The following ZKSCAN2 variants were observed in gnomAD, a reference collection of about 807,000 sequenced individuals.
ZKSCAN2 encodes the protein zinc finger with KRAB and SCAN domains 2.
In ZKSCAN2, 38 loss-of-function variants were observed where a neutral mutation model predicts 90.5. That is an observed-to-expected ratio of 0.42 (90% CI 0.32 to 0.55). The LOEUF is 0.55. ZKSCAN2 is among the 20% of genes least tolerant of loss of function. ZKSCAN2 has a pLI of 0.11. For missense variants in ZKSCAN2, 1,167 were observed against 1,202.6 expected (o/e 0.97, Z 0.44); for synonymous variants, 429 against 421.6 (o/e 1.02, Z -0.22).
rs780230737 is a variant in ZKSCAN2 at position 25,240,021 on chromosome 16, G to C, written c.2699C>G (p.Thr900Arg). 32 of 1,613,856 alleles carry C rather than the reference G, an allele frequency of 2.0e-5. No homozygotes were observed. The highest frequency in any genetic ancestry group is 2.6e-5 in the Non-Finnish European group (31 of 1,179,980). Residue 900 changes from threonine (T) to arginine (R), a missense_variant, in exon 7 of 7, where the codon ACG (threonine) becomes AGG (arginine). By Grantham distance (71) the Thr-to-Arg change is moderately conservative. Transcript: ENST00000328086. Reference sequence around the variant, plus strand: ...TATTCTCCGATGTTCTCGAAATCTCGTACAGTTATTGAAACTTTTTTCACA... The same window carrying C: ...TATTCTCCGATGTTCTCGAAATCTCCTACAGTTATTGAAACTTTTTTCACA... ...VDCEKSFNNCTRFREHRRIHT... is the reference protein window; with the variant it reads ...VDCEKSFNNCRRFREHRRIHT...
At position 25,257,110 on chromosome 16, in the gene ZKSCAN2, G is replaced by C; in HGVS notation, c.18C>G (p.Asp6Glu). The C allele has an allele frequency of 6.2e-7, 1 of 1,604,222 alleles. No homozygotes were observed. Among genetic ancestry groups the C allele is most frequent in the African/African-American group, 1.3e-5 (1 of 74,802 alleles). Reference sequence around the variant, plus strand: ...CCTCCAGGGGCGCGTCGATCTGAGAGTCGAGGGCGACAGCCATGCTGCAGC... The same window carrying C: ...CCTCCAGGGGCGCGTCGATCTGAGACTCGAGGGCGACAGCCATGCTGCAGC... Reference protein sequence around the residue: MAVALDSQIDAPLEVE... With the variant: MAVALESQIDAPLEVE... The change falls in exon 1 of 7, where the codon GAC becomes GAG. Residue 6 changes from aspartate to glutamate, a missense_variant. By Grantham distance (45) the Asp-to-Glu change is conservative (BLOSUM62 2). Transcript: ENST00000328086.
chr16:25,243,406 C>T (rs72771348), intron 6 of ZKSCAN2, among the ~76,000 whole-genome samples: 18,785 of 152,270 alleles, frequency 0.12, 1,504 homozygotes, highest in East Asian at 0.31. Context: ...CGGCTCACTG[C>T]AACCTGCGCC....
intron 1 of ZKSCAN2, 81 bp from the exon 2 acceptor site, chr16:25,255,473 G>A: frequency 7.1e-7 from 1 of 1,416,610 alleles, no homozygotes; most frequent in South Asian, 1.3e-5. Flanking sequence ...AGACATCAAA[G>A]AAGGACAGAG....
Position 25,243,927 on chromosome 16 carries a change from G to C in ZKSCAN2, c.1839C>G (p.Pro613=). The change falls in exon 6 of 7, where the codon CCC becomes CCG. Residue 613 remains proline (P), a synonymous_variant. Transcript: ENST00000328086. ...CAGGTTCCCAGCCTGTAGGTTCCTG[G>C]GGTTCAACCTCAATACCCCCTCTTT... ...RQERGGIEVE[P]QEPTGWEPEE... The C allele has an allele frequency of 6.2e-7, 1 of 1,614,066 alleles. No homozygotes were observed. The highest frequency in any genetic ancestry group is 8.5e-7 in the Non-Finnish European group (1 of 1,180,020).
In ZKSCAN2 at chr16:25,239,919, C is replaced by G. The variant is rs141758597; in HGVS notation, c.2801G>C (p.Arg934Pro). Residue 934 changes from arginine to proline, a missense_variant, in exon 7 of 7, where the codon CGG (arginine) becomes CCG (proline). Arg to Pro is a moderately radical substitution (Grantham distance 103). Coordinates refer to ENST00000328086, the MANE Select transcript of ZKSCAN2 (RefSeq NM_001012981.5). ...AGGCTTTTCTCTCACATGAACTTCC[C>G]GATGTTTGGTAAGAACAGAACTCTT... ...FSKSSVLTKH[R>P]EVHVREKPLP... The G allele has an allele frequency of 1.2e-6, 2 of 1,614,134 alleles. No individual in the cohort carries two copies. Among genetic ancestry groups the G allele is most frequent in the East Asian group, 4.5e-5 (2 of 44,882 alleles).
intron 4 of ZKSCAN2, among the ~76,000 whole-genome samples, chr16:25,251,646 C>G (rs553824622): frequency 6.6e-6 from 1 of 152,306 alleles, no homozygotes; most frequent in South Asian, 2.1e-4. Context: ...ATACCATTTA[C>G]TGTACTACAC....
intron 4 of ZKSCAN2, among the ~76,000 whole-genome samples, chr16:25,248,851 C>T (rs1315959397): frequency 1.3e-5 from 2 of 152,176 alleles, no homozygotes; most frequent in Non-Finnish European, 2.9e-5. Context: ...ACCATGTTCA[C>T]TGCAGCATTA....
At chr16:25,242,108 T>C (rs1962864017) in intron 6 of ZKSCAN2, among the ~76,000 whole-genome samples, 2 of 152,156 alleles carry the variant, frequency 1.3e-5, no homozygotes, top group Non-Finnish European at 2.9e-5. Flanking sequence ...CAAGCGATCC[T>C]CCCACCTTGG....
In ZKSCAN2 at chr16:25,245,764, C is replaced by T. The variant is rs1402260485; in HGVS notation, c.1489+943G>A. On this transcript the variant is annotated intron_variant, in intron 5 of 6. Transcript: ENST00000328086. ...CAGCCTGGGTGACAGAGTGAGACAC[C>T]GTCTCGGAAAAAAAAAAAAAAAAGA... Among the ~76,000 whole-genome samples, 6 of 146,272 alleles carry T rather than the reference C, an allele frequency of 4.1e-5. No homozygotes were observed. In the South Asian group the frequency reaches 6.6e-4, roughly 16 times the overall value.
At chr16:25,253,616 TG>T (rs1214739871) in intron 2 of ZKSCAN2, among the ~76,000 whole-genome samples, 1 of 152,236 alleles carries the variant, frequency 6.6e-6, no homozygotes, top group Non-Finnish European at 1.5e-5. Flanking sequence ...TGTGCCATTC[TG>T]GGGGAAAGGA....
chr16:25,257,538 G>A lies in ZKSCAN2; in HGVS notation c.-411C>T. 2 of 987,388 alleles carry A rather than the reference G, an allele frequency of 2.0e-6. No homozygotes were observed. Among genetic ancestry groups the A allele is most frequent in the Non-Finnish European group, 2.4e-6 (2 of 831,156 alleles). 61.2% of individuals were successfully genotyped at this position (987,388 alleles called of 1,614,324 possible). On this transcript the variant is annotated 5_prime_UTR_variant, in exon 1 of 7. Transcript: ENST00000328086. ...GTCGGGCGCGGAGAGGCGAGTCCCC[G>A]AGTGGGTGGGGCCGGATGTGCAGGC...
At chr16:25,243,647 T>C in intron 6 of ZKSCAN2, 138 bp downstream of exon 6, 3 of 1,110,610 alleles carry the variant, frequency 2.7e-6, no homozygotes, top group Middle Eastern at 2.2e-4. Flanking sequence ...CTATATCCCC[T>C]GTTCTTCAAG....
At chr16:25,243,745 T>C (rs187707050) in intron 6 of ZKSCAN2, 40 bp downstream of exon 6, 3 of 998,074 alleles carry the variant, frequency 3.0e-6, no homozygotes, top group Admixed American at 3.7e-5. Context: ...ATCACACTTA[T>C]TCCTCTTTTG....
chr16:25,252,195 G>GA, intron 3 of ZKSCAN2, 160 bp from the exon 4 acceptor site: 1 of 792,032 alleles, frequency 1.3e-6, no homozygotes, highest in Non-Finnish European at 2.0e-6. Flanking sequence ...ATCATAAGAT[G>GA]ACAAGATAAA....
In ZKSCAN2 at chr16:25,257,496, G is replaced by C. The variant is rs1963127341; in HGVS notation, c.-369C>G. ...GCGGACAGCCGGGCCGGGAGGGGGT[G>C]TGTCCGCTACTCCCGGGTCGGGCGC... On this transcript the variant is annotated 5_prime_UTR_variant, in exon 1 of 7. Transcript: ENST00000328086. The C allele has an allele frequency of 2.5e-5, 25 of 1,002,272 alleles. No homozygotes were observed. The highest frequency in any genetic ancestry group is 3.0e-5 in the Non-Finnish European group (25 of 841,740). The allele number at this position is 1,002,272 out of a possible 1,614,324, so 62.1% of individuals were successfully genotyped here.
rs1962839454 is a variant in ZKSCAN2, at chr16:25,240,684, T to C, written c.2036A>G (p.Asp679Gly). 3 of 1,614,112 alleles carry C rather than the reference T, an allele frequency of 1.9e-6. No individual in the cohort carries two copies. The highest frequency in any genetic ancestry group is 2.2e-5 in the South Asian group (2 of 91,076). Residue 679 changes from aspartate to glycine, a missense_variant, in exon 7 of 7, where the codon GAC (aspartate) becomes GGC (glycine). Asp to Gly is a moderately conservative substitution (Grantham distance 94). Transcript: ENST00000328086. ...TATTAATGCCCTATGCTGTTCCATG[T>C]CCTTATATACTATCTGTGTTGGATC... ...KEDPTQIVYK[D>G]MEQHRALIEK...
Position 25,236,593 on chromosome 16 carries a change from A to C in ZKSCAN2, c.*3223T>G, listed in dbSNP as rs1450747313. ...CAGAGAGGCTATGATGTGTCAAACA[A>C]CACTCATTTAGTGACAAGATTAAAA... On this transcript the variant is annotated 3_prime_UTR_variant, in exon 7 of 7. Transcript: ENST00000328086. 6.6e-6 allele frequency: 1 copy of C among 152,226 alleles called. No homozygotes were observed. Among genetic ancestry groups the C allele is most frequent in the Non-Finnish European group, 1.5e-5 (1 of 68,036 alleles). The allele number at this position is 152,226 out of a possible 1,614,324, so 9.4% of individuals were successfully genotyped here. A position where few individuals can be genotyped will look rare whatever the true frequency, so the allele number is the denominator to read the frequency against.
In ZKSCAN2 at chr16:25,247,377, AG is replaced by A; in HGVS notation, c.818del (p.Ser273LeufsTer6). On this transcript the variant is annotated frameshift_variant, in exon 5 of 7. Transcript: ENST00000328086. LOFTEE classifies it high-confidence loss of function. ...GNVVSLGSAVSTSNKITRLEQ... is the reference protein window; with the variant it reads ...GNVVSLGSAVXTSNKITRLEQ... The stretch of plus-strand genomic sequence containing the variant: ...CCAACCGGGTTATCTTGTTAGATGT[AG>A]ACACTGCACTTCCTACAGTAAAATA... The A allele has an allele frequency of 6.2e-7, 1 of 1,607,348 alleles. No homozygotes were observed. Among genetic ancestry groups the A allele is most frequent in the Non-Finnish European group, 8.5e-7 (1 of 1,178,886 alleles).
Position 25,251,918 on chromosome 16 carries a change from C to A in ZKSCAN2, c.796G>T (p.Val266Phe), listed in dbSNP as rs745776824. 2 of 1,614,022 alleles carry A rather than the reference C, an allele frequency of 1.2e-6. No homozygotes were observed. The highest frequency in any genetic ancestry group is 1.7e-6 in the Non-Finnish European group (2 of 1,179,934). The change falls in exon 4 of 7, where the codon GTC becomes TTC. Residue 266 changes from valine to phenylalanine, a missense_variant. Val to Phe is a conservative substitution (Grantham distance 50). Coordinates refer to ENST00000328086, the MANE Select transcript of ZKSCAN2 (RefSeq NM_001012981.5). The part of the protein sequence containing the change: ...DFRKENVGNV[V>F]SLGSAVSTSN... ...GGGAAGGAATCCTTACCCAGGGAGA[C>A]CACGTTCCCAACATTCTCCTTCCTG...
Sources: gnomAD v4.1 joint callset for allele counts (sites outside exome capture counted in the v4.1 genomes callset) on GRCh38, gnomAD v4.1.1 for gene constraint, MANE v1.5 for transcripts, NCBI Gene and HGNC (gene_info 2026-07-23, HGNC 2026-07-21) for gene names.